The following PHF14 variants were observed in gnomAD, a reference collection of about 807,000 sequenced individuals.
PHF14 encodes the protein PHD finger protein 14.
A neutral mutation model predicts 117.9 loss-of-function variants in PHF14; 55 were observed. The ratio of observed to expected loss-of-function variants is 0.47; its 90% CI spans 0.38 to 0.58. The LOEUF (loss-of-function observed/expected upper bound fraction) is 0.58. Among genes scored for constraint, PHF14 ranks in the 20% least tolerant of loss-of-function variants. The pLI is 0.00. For synonymous variants in PHF14, 409 were observed against 368.6 expected, an observed-to-expected ratio of 1.11 and a Z score of -1.26; for missense variants, 978 against 1,122.2, an observed-to-expected ratio of 0.87 and a Z score of 1.84.
At chr7:11,026,387 A>G (rs538247635) in intron 6 of PHF14, among the ~76,000 whole-genome samples, 1 of 152,354 alleles carries the variant, frequency 6.6e-6, no homozygotes, top group African/African-American at 2.4e-5. Flanking sequence ...TGGAGAAACT[A>G]AAAAATTCTC....
intron 16 of PHF14, chr7:11,110,466 A>G (rs1787408772): frequency 1.3e-6 from 1 of 769,242 alleles, no homozygotes; most frequent in Non-Finnish European, 1.6e-6. Context: ...ATTCCAACTG[A>G]TGCAAAATTC....
intron 17 of PHF14, among the ~76,000 whole-genome samples, chr7:11,147,368 T>C (rs1788576089): frequency 6.6e-6 from 1 of 152,206 alleles, no homozygotes; most frequent in Non-Finnish European, 1.5e-5. Flanking sequence ...AGATGGCTGC[T>C]ACAACTCCAG....
At position 11,036,894 on chromosome 7, in the gene PHF14, G is replaced by GTT. The variant is rs1258021438; in HGVS notation, c.1874-89_1874-88dup. ...TACTTAAAAGTTTTAAACTATGTAG[G>GTT]TTTATCAATGTGATCATCTTTATAG... On this transcript the variant is annotated intron_variant, in intron 9 of 17. Coordinates refer to ENST00000634607, the MANE Select transcript of PHF14 (RefSeq NM_001007157.2). The GTT allele has an allele frequency of 3.7e-5, 37 of 994,866 alleles. No homozygotes were observed. In the Middle Eastern group the frequency reaches 8.7e-4, roughly 23 times the overall value. The allele number at this position is 994,866 out of a possible 1,614,324, so 61.6% of individuals were successfully genotyped here. A position where few individuals can be genotyped will look rare whatever the true frequency, so the allele number is the denominator to read the frequency against.
At chr7:11,164,961 A>T (rs529324324) in intron 17 of PHF14, among the ~76,000 whole-genome samples, 1 of 151,934 alleles carries the variant, frequency 6.6e-6, no homozygotes, top group South Asian at 2.1e-4. Flanking sequence ...GTCTCGCTCA[A>T]TTGCCCAGGC....
Position 11,038,873 on chromosome 7 carries a change from TG to T in PHF14, c.2076+19del. The T allele has an allele frequency of 8.2e-7, 1 of 1,217,910 alleles. No individual in the cohort carries two copies. The allele number at this position is 1,217,910 out of a possible 1,614,324, so 75.4% of individuals were successfully genotyped here. On this transcript the variant is annotated intron_variant, in intron 11 of 17. Coordinates refer to ENST00000634607, the MANE Select transcript of PHF14 (RefSeq NM_001007157.2). ...CAGGGCAGGTTAGTTTCTTTCCAATTGCTGTCTCCTTCAGTTCTTGCTCCCT... is the reference window on the plus strand; with the variant it reads ...CAGGGCAGGTTAGTTTCTTTCCAATTCTGTCTCCTTCAGTTCTTGCTCCCT...
intron 17 of PHF14, among the ~76,000 whole-genome samples, chr7:11,119,202 C>T (rs75376130): frequency 0.017 from 2,605 of 151,774 alleles, 76 homozygotes; most frequent in East Asian, 0.12. Context: ...AAGTCGCAAA[C>T]CTCATACTGT....
intron 17 of PHF14, among the ~76,000 whole-genome samples, chr7:11,113,169 T>G (rs1744880856): frequency 6.6e-6 from 1 of 152,078 alleles, no homozygotes; most frequent in South Asian, 2.1e-4. Flanking sequence ...TTTGCATATA[T>G]TCTTTTGAGA....
chr7:11,157,041 C>T (rs113481455), intron 17 of PHF14, among the ~76,000 whole-genome samples: 7 of 152,232 alleles, frequency 4.6e-5, no homozygotes, highest in African/African-American at 1.4e-4. Flanking sequence ...GTTCAGTTAT[C>T]TTTATCACCT....
chr7:11,146,329 T>C (rs1238414049), intron 17 of PHF14, among the ~76,000 whole-genome samples: 9 of 152,202 alleles, frequency 5.9e-5, no homozygotes, highest in Non-Finnish European at 1.2e-4. Flanking sequence ...AATATTTTCA[T>C]TGACAAATGT....
chr7:11,049,873 G>C (rs935288695), intron 13 of PHF14, among the ~76,000 whole-genome samples: 2 of 152,034 alleles, frequency 1.3e-5, no homozygotes, highest in Non-Finnish European at 2.9e-5. Flanking sequence ...GACAACCTAG[G>C]GGATAACCTG....
chr7:11,063,410 A>C (rs1179341526), intron 16 of PHF14: 5 of 975,290 alleles, frequency 5.1e-6, no homozygotes, highest in Non-Finnish European at 6.1e-6. Context: ...TAAATGAAAC[A>C]ATAAAAATAA....
chr7:11,061,386 CAAT>C (rs1318114860), intron 14 of PHF14: 1 of 152,994 alleles, frequency 6.5e-6, no homozygotes, highest in Non-Finnish European at 1.5e-5. Flanking sequence ...TGTAGGCAAA[CAAT>C]GTGTGTAGTA....
chr7:11,091,758 AAAAAT>A (rs1416606483), intron 16 of PHF14, among the ~76,000 whole-genome samples: 3 of 152,208 alleles, frequency 2.0e-5, no homozygotes, highest in Non-Finnish European at 4.4e-5. Flanking sequence ...ACCCTTTCTC[AAAAAT>A]AAAATAAAAG....
intron 16 of PHF14, among the ~76,000 whole-genome samples, chr7:11,075,408 G>T (rs1043314070): frequency 1.3e-5 from 2 of 152,106 alleles, no homozygotes; most frequent in Admixed American, 6.5e-5. Flanking sequence ...TCTGCTTCTG[G>T]CAAGGCCTCA....
At chr7:11,149,190 C>G (rs1003139275) in intron 17 of PHF14, among the ~76,000 whole-genome samples, 1 of 113,462 alleles carries the variant, frequency 8.8e-6, no homozygotes. Context: ...TTAGGTAAGG[C>G]CATCACAGTT....
intron 17 of PHF14, among the ~76,000 whole-genome samples, chr7:11,168,056 T>G (rs533908142): frequency 4.6e-5 from 7 of 151,858 alleles, no homozygotes; most frequent in Non-Finnish European, 8.8e-5. Context: ...TGTAGGAACT[T>G]TTTTCTAAAA....
chr7:11,113,127 A>T (rs1787496970), intron 17 of PHF14, among the ~76,000 whole-genome samples: 1 of 152,078 alleles, frequency 6.6e-6, no homozygotes, highest in Non-Finnish European at 1.5e-5. Context: ...AATTTTTGAA[A>T]TAGGATTTCC....
chr7:11,053,682 A>C (rs1012857502), intron 14 of PHF14, among the ~76,000 whole-genome samples: 4 of 152,068 alleles, frequency 2.6e-5, no homozygotes, highest in Admixed American at 2.6e-4. Flanking sequence ...TATCATATAG[A>C]GGGAAATTAT....
chr7:11,139,785 G>A (rs1019276430), intron 17 of PHF14, among the ~76,000 whole-genome samples: 1 of 152,094 alleles, frequency 6.6e-6, no homozygotes, highest in Non-Finnish European at 1.5e-5. Context: ...GGTACAAAAA[G>A]TAAAAAGGTA....
Sources: gnomAD v4.1 joint callset for allele counts (sites outside exome capture counted in the v4.1 genomes callset) on GRCh38, gnomAD v4.1.1 for gene constraint, MANE v1.5 for transcripts, NCBI Gene and HGNC (gene_info 2026-07-23, HGNC 2026-07-21) for gene names.